Variants in PALM2AKAP2 observed in about 807,000 individuals in gnomAD.
PALM2AKAP2 encodes PALM2-AKAP2 fusion protein.
PALM2AKAP2 carries 37 observed loss-of-function variants against 71.5 expected under a neutral mutation model. The observed-to-expected ratio is 0.52, with a 90% CI of 0.40 to 0.68. PALM2AKAP2 has a LOEUF of 0.68. Ranked by LOEUF, PALM2AKAP2 falls within the 30% of genes least tolerant of loss-of-function variation. The probability of loss-of-function intolerance (pLI) is 0.00; values close to 1 mark genes in which losing one functional copy is unlikely to be tolerated. For synonymous variants in PALM2AKAP2, 468 were observed against 478.8 expected (o/e 0.98, Z 0.29); for missense variants, 1,224 against 1,191.8 (o/e 1.03, Z -0.40).
intron 1 of PALM2AKAP2, among the ~76,000 whole-genome samples, chr9:109,689,778 G>A (rs1018777441): frequency 5.3e-5 from 8 of 152,172 alleles, no homozygotes; most frequent in African/African-American, 1.9e-4. Context: ...ACCCTGCTGT[G>A]GGGACAGAGC....
chr9:110,091,407 TG>T (rs1564299398), intron 1 of PALM2AKAP2, among the ~76,000 whole-genome samples: 163 of 148,588 alleles, frequency 1.1e-3, no homozygotes, highest in African/African-American at 3.8e-3. Flanking sequence ...GGTTGGGGTG[TG>T]TGTGTGTGTG....
At chr9:110,096,538 A>T (rs1834843623) in intron 1 of PALM2AKAP2, among the ~76,000 whole-genome samples, 1 of 152,114 alleles carries the variant, frequency 6.6e-6, no homozygotes, top group Non-Finnish European at 1.5e-5. Flanking sequence ...AAATGTTGGG[A>T]TGACAGGCAT....
At chr9:109,872,081 G>A (rs528355005) in intron 2 of PALM2AKAP2, among the ~76,000 whole-genome samples, 3 of 152,094 alleles carry the variant, frequency 2.0e-5, no homozygotes, top group Non-Finnish European at 4.4e-5. Flanking sequence ...TACCATTTAT[G>A]GATTATTTTT....
intron 6 of PALM2AKAP2, among the ~76,000 whole-genome samples, chr9:109,936,606 G>C (rs1831223335): frequency 6.6e-6 from 1 of 152,194 alleles, no homozygotes; most frequent in African/African-American, 2.4e-5. Context: ...TTCTGTTACT[G>C]AGATGACCCT....
chr9:110,068,087 C>CTTTTTTTTTTTT (rs5899875), intron 1 of PALM2AKAP2, among the ~76,000 whole-genome samples: 2 of 122,934 alleles, frequency 1.6e-5, no homozygotes, highest in African/African-American at 6.9e-5. Context: ...GTTCCAAACT[C>CTTTTTTTTTTTT]TTTTTTTTTT....
At chr9:110,143,339 T>C (rs1247652588) in intron 2 of PALM2AKAP2, among the ~76,000 whole-genome samples, 2 of 148,678 alleles carry the variant, frequency 1.3e-5, no homozygotes, top group East Asian at 4.0e-4. Context: ...AGAAGTTTGC[T>C]TGAGCCCAGG....
intron 1 of PALM2AKAP2, among the ~76,000 whole-genome samples, chr9:110,079,824 C>T (rs1329353969): frequency 6.6e-6 from 1 of 152,060 alleles, no homozygotes; most frequent in African/African-American, 2.4e-5. Flanking sequence ...AATCTCACCA[C>T]TTTGGGAGGC....
chr9:109,967,780 T>A (rs1476429569), intron 6 of PALM2AKAP2, among the ~76,000 whole-genome samples: 1 of 152,192 alleles, frequency 6.6e-6, no homozygotes, highest in Non-Finnish European at 1.5e-5. Flanking sequence ...CACAATGGCC[T>A]GCTTAAGGAA....
chr9:109,892,461 G>A (rs114763663), intron 3 of PALM2AKAP2, among the ~76,000 whole-genome samples: 1 of 152,168 alleles, frequency 6.6e-6, no homozygotes, highest in Non-Finnish European at 1.5e-5. Context: ...GGTTCTGGGG[G>A]TTAGGGTGTG....
intron 1 of PALM2AKAP2, among the ~76,000 whole-genome samples, chr9:110,061,730 G>T (rs1046068141): frequency 1.3e-5 from 2 of 150,104 alleles, no homozygotes; most frequent in Non-Finnish European, 1.5e-5. Context: ...GTATAGATGG[G>T]GTTTCACCAT....
At chr9:109,830,845 G>A (rs1399404460) in intron 1 of PALM2AKAP2, among the ~76,000 whole-genome samples, 2 of 152,122 alleles carry the variant, frequency 1.3e-5, no homozygotes, top group Admixed American at 1.3e-4. Flanking sequence ...AGTCAGCATT[G>A]ACGAAGTCTA....
intron 6 of PALM2AKAP2, among the ~76,000 whole-genome samples, chr9:109,975,423 T>C (rs1832154841): frequency 6.6e-6 from 1 of 152,224 alleles, no homozygotes; most frequent in Non-Finnish European, 1.5e-5. Flanking sequence ...ATTGGATGAT[T>C]GCCCACCCAC....
chr9:109,934,161 C>T (rs542538951), intron 6 of PALM2AKAP2, among the ~76,000 whole-genome samples: 1 of 152,160 alleles, frequency 6.6e-6, no homozygotes, highest in Non-Finnish European at 1.5e-5. Context: ...ATCCTTTATC[C>T]AAACATTGAA....
At chr9:109,876,382 A>G (rs1829721971) in intron 2 of PALM2AKAP2, among the ~76,000 whole-genome samples, 1 of 152,210 alleles carries the variant, frequency 6.6e-6, no homozygotes, top group South Asian at 2.1e-4. Flanking sequence ...GCCAAGTAGA[A>G]AATCAACTAT....
intron 1 of PALM2AKAP2, among the ~76,000 whole-genome samples, chr9:109,717,018 G>A (rs1828334583): frequency 6.6e-6 from 1 of 152,124 alleles, no homozygotes; most frequent in Non-Finnish European, 1.5e-5. Flanking sequence ...CCTTGGTATG[G>A]GCAAGCTATG....
intron 1 of PALM2AKAP2, among the ~76,000 whole-genome samples, chr9:109,756,572 T>A (rs971365045): frequency 2.6e-5 from 4 of 152,206 alleles, no homozygotes; most frequent in Admixed American, 1.3e-4. Context: ...CACCCAAAAG[T>A]CACTTTTCAC....
At chr9:110,027,643 A>G (rs577934620) in intron 7 of PALM2AKAP2, among the ~76,000 whole-genome samples, 1 of 152,338 alleles carries the variant, frequency 6.6e-6, no homozygotes, top group East Asian at 1.9e-4. Flanking sequence ...GGACATGGGA[A>G]AGCCACATTT....
exon 2 of PALM2AKAP2, chr9:110,137,212 T>C (rs1225695214): frequency 1.2e-6 from 2 of 1,614,186 alleles, no homozygotes; most frequent in Admixed American, 3.3e-5. Context: ...ATTTCTCTGC[T>C]GCTCGCAAAC....
chr9:109,938,497 GTTTAT>G (rs1328201535), intron 6 of PALM2AKAP2, among the ~76,000 whole-genome samples: 1 of 151,912 alleles, frequency 6.6e-6, no homozygotes, highest in Non-Finnish European at 1.5e-5. Flanking sequence ...ACATATCTAA[GTTTAT>G]TTTATTATAA....
Sources: allele counts gnomAD v4.1 joint callset (sites outside exome capture counted in the v4.1 genomes callset), GRCh38; gene constraint gnomAD v4.1.1; transcripts MANE v1.5; gene names NCBI Gene and HGNC (gene_info 2026-07-23, HGNC 2026-07-21).